EXD3: variants seen among roughly 807,000 people sequenced by gnomAD.
EXD3 encodes exonuclease mut-7 homolog.
Under a neutral mutation model 98.0 loss-of-function variants are expected in EXD3, and 92 were observed. The observed-to-expected ratio is 0.94, with a 90% CI of 0.79 to 1.12. EXD3 has a LOEUF of 1.12. Ranked by LOEUF, EXD3 falls within the 50% of genes most tolerant of loss-of-function variation. EXD3 has a pLI of 0.00. For missense variants in EXD3, 1,222 were observed against 1,191.6 expected (o/e 1.03, Z -0.38); for synonymous variants, 569 against 526.0 (o/e 1.08, Z -1.12).
chr9:137,333,060 G>A lies in EXD3; in HGVS notation c.1999-8917C>T, dbSNP rs577157408. Among the ~76,000 whole-genome samples the A allele has an allele frequency of 1.3e-4, 20 of 152,276 alleles. No homozygotes were observed. The East Asian group carries it at 2.1e-3, about 16-fold the overall frequency. Reference sequence around the variant, plus strand: ...GCACCGTCTAATCAGCTGCCAGTACGGCTAGAATAAAGCACGCAGGAGAAG... The same window carrying A: ...GCACCGTCTAATCAGCTGCCAGTACAGCTAGAATAAAGCACGCAGGAGAAG... On this transcript the variant is annotated intron_variant, in intron 17 of 21. Coordinates refer to ENST00000340951, the MANE Select transcript of EXD3 (RefSeq NM_017820.5).
intron 1 of EXD3, among the ~76,000 whole-genome samples, chr9:137,415,536 G>A (rs1026368392): frequency 1.3e-5 from 2 of 152,178 alleles, no homozygotes; most frequent in Admixed American, 1.3e-4. Flanking sequence ...CACCGTGTTG[G>A]TTTTAGCTCT....
chr9:137,349,567 G>T lies in EXD3; in HGVS notation c.1495-36C>A. ...AGTGCCCTGCAGGGTAACGCGTCTG[G>T]CCCTGGCGGCAGCACAGTCACCGTG... On this transcript the variant is annotated intron_variant, in intron 14 of 21. Transcript: ENST00000340951. This position sits in a 1 kb window ranked among gnomAD's most constrained non-coding sequence, Gnocchi z 7.4. 2 of 1,510,890 alleles carry T rather than the reference G, an allele frequency of 1.3e-6. No individual in the cohort carries two copies. The highest frequency in any genetic ancestry group is 1.8e-6 in the Non-Finnish European group (2 of 1,131,206). 93.6% of individuals were successfully genotyped at this position (1,510,890 alleles called of 1,614,324 possible). A position where few individuals can be genotyped will look rare whatever the true frequency, so the allele number is the denominator to read the frequency against.
rs1165437170 is a variant in EXD3, at chr9:137,407,246, T to A, written c.-47-11842A>T. Among the ~76,000 whole-genome samples the A allele has an allele frequency of 6.6e-6, 1 of 151,492 alleles. No homozygotes were observed. The highest frequency in any genetic ancestry group is 1.5e-5 in the Non-Finnish European group (1 of 68,018). ...GCCTCCCCTACCCGCACGCCCAGGC[T>A]GGGTCTCCGTTTCCCACCAGGCCAG... On this transcript the variant is annotated intron_variant, in intron 1 of 21. Transcript: ENST00000340951. This position sits in a 1 kb window ranked among gnomAD's most constrained non-coding sequence, Gnocchi z 4.4.
chr9:137,348,931 C>T (rs1207288935), intron 16 of EXD3, among the ~76,000 whole-genome samples, 179 bp downstream of exon 16: 1 of 152,002 alleles, frequency 6.6e-6, no homozygotes, highest in African/African-American at 2.4e-5. Context: ...GCAAGCGCAG[C>T]CCCCGTGACA....
rs1837022598 is a variant in EXD3, at chr9:137,393,097, C to T, written c.55+2206G>A. 1.5e-6 allele frequency: 1 copy of T among 682,102 alleles called. No homozygotes were observed. Among genetic ancestry groups the T allele is most frequent in the Non-Finnish European group, 2.7e-6 (1 of 377,224 alleles). 42.3% of individuals were successfully genotyped at this position (682,102 alleles called of 1,614,324 possible). On this transcript the variant is annotated intron_variant, in intron 2 of 21. Transcript: ENST00000340951. This position sits in a 1 kb window ranked among gnomAD's most constrained non-coding sequence, Gnocchi z 4.6. ...CCGAGGCTGTTCTCGGTGGGGGTGC[C>T]GTGTCTGTTCCAGGGAGGGCCATTA...
At chr9:137,312,467 C>T (rs1050749808) in intron 19 of EXD3, among the ~76,000 whole-genome samples, 15 of 152,174 alleles carry the variant, frequency 9.9e-5, no homozygotes, top group Admixed American at 3.9e-4. Flanking sequence ...GGCTGGGCCA[C>T]GAGCCCGTGG....
Position 137,323,868 on chromosome 9 carries a change from C to T in EXD3, c.2053-12G>A, listed in dbSNP as rs199796971. 156 of 1,604,420 alleles carry T rather than the reference C, an allele frequency of 9.7e-5. 1 individual carries two copies. The highest frequency in any genetic ancestry group is 2.1e-4 in the Admixed American group (12 of 58,408). ...ACCTGGGCCCGGAGCTGCAAAGACA[C>T]GGCTCGGCTACTGAGGGGCAGTGCA... On this transcript the variant is annotated splice_polypyrimidine_tract_variant and intron_variant, in intron 18 of 21. Transcript: ENST00000340951.
chr9:137,333,676 T>C (rs914994733), intron 17 of EXD3, among the ~76,000 whole-genome samples: 1 of 152,130 alleles, frequency 6.6e-6, no homozygotes, highest in Non-Finnish European at 1.5e-5. Context: ...CTTCACCATG[T>C]GACATGCAAA....
At chr9:137,417,434 A>G (rs1014796943) in intron 1 of EXD3, among the ~76,000 whole-genome samples, 1 of 152,108 alleles carries the variant, frequency 6.6e-6, no homozygotes, top group African/African-American at 2.4e-5. Context: ...GCCCCTGCTG[A>G]CCGCATCTGC....
rs1333868090 is a variant in EXD3 at position 137,405,311 on chromosome 9, C to A, written c.-47-9907G>T. Among the ~76,000 whole-genome samples the A allele has an allele frequency of 6.6e-6, 1 of 152,234 alleles. No individual in the cohort carries two copies. Among genetic ancestry groups the A allele is most frequent in the Non-Finnish European group, 1.5e-5 (1 of 68,036 alleles). Reference sequence around the variant, plus strand: ...CCAGGGCCAGAGCAGGGGCCAGAGCCCCAACCCCCGCTGCTTCCCCAACTG... The same window carrying A: ...CCAGGGCCAGAGCAGGGGCCAGAGCACCAACCCCCGCTGCTTCCCCAACTG... On this transcript the variant is annotated intron_variant, in intron 1 of 21. Coordinates refer to ENST00000340951, the MANE Select transcript of EXD3 (RefSeq NM_017820.5). This position sits in a 1 kb window ranked among gnomAD's most constrained non-coding sequence, Gnocchi z 4.1.
Position 137,323,870 on chromosome 9 carries a change from G to A in EXD3, c.2053-14C>T. 6.2e-7 allele frequency: 1 copy of A among 1,603,520 alleles called. No individual in the cohort carries two copies. Among genetic ancestry groups the A allele is most frequent in the South Asian group, 1.1e-5 (1 of 90,220 alleles). On this transcript the variant is annotated splice_polypyrimidine_tract_variant and intron_variant, in intron 18 of 21. Transcript: ENST00000340951. Reference sequence around the variant, plus strand: ...CTGGGCCCGGAGCTGCAAAGACACGGCTCGGCTACTGAGGGGCAGTGCAGA... The same window carrying A: ...CTGGGCCCGGAGCTGCAAAGACACGACTCGGCTACTGAGGGGCAGTGCAGA...
intron 17 of EXD3, among the ~76,000 whole-genome samples, chr9:137,327,078 G>C (rs1832447068): frequency 6.6e-6 from 1 of 151,926 alleles, no homozygotes; most frequent in East Asian, 1.9e-4. Context: ...GCAGAAAGTG[G>C]AACAGTGGCC....
Position 137,403,657 on chromosome 9 carries a change from G to A in EXD3, c.-47-8253C>T, listed in dbSNP as rs193076894. ...TTTGCTGTCACCTTAATTGGCCTTG[G>A]GGGAGATGGACCAGCAGGCCCGAGA... On this transcript the variant is annotated intron_variant, in intron 1 of 21. Transcript: ENST00000340951. This position sits in a 1 kb window ranked among gnomAD's most constrained non-coding sequence, Gnocchi z 6.1. Among the ~76,000 whole-genome samples, 191 of 152,222 alleles carry A rather than the reference G, an allele frequency of 1.3e-3. No individual in the cohort carries two copies. Among genetic ancestry groups the A allele is most frequent in the African/African-American group, 4.4e-3 (182 of 41,536 alleles).
intron 1 of EXD3, among the ~76,000 whole-genome samples, chr9:137,406,314 A>G (rs932847040): frequency 6.7e-5 from 10 of 150,038 alleles, no homozygotes; most frequent in Non-Finnish European, 1.5e-4. Flanking sequence ...AAAAGAAAAG[A>G]AAAAGAAAAA....
intron 17 of EXD3, among the ~76,000 whole-genome samples, chr9:137,338,924 C>G (rs949102923): frequency 6.7e-6 from 1 of 149,142 alleles, no homozygotes; most frequent in Non-Finnish European, 1.5e-5. Flanking sequence ...AGTAAGTTGA[C>G]ACATCTCTGC....
At chr9:137,388,643 G>A (rs941158893) in intron 2 of EXD3, among the ~76,000 whole-genome samples, 1 of 152,122 alleles carries the variant, frequency 6.6e-6, no homozygotes, top group African/African-American at 2.4e-5. Flanking sequence ...ACCAGGCAGC[G>A]GATGCTGGCA....
chr9:137,323,388 A>G (rs35816396), intron 19 of EXD3, among the ~76,000 whole-genome samples: 2 of 2,914 alleles, frequency 6.9e-4, no homozygotes, highest in Non-Finnish European at 1.1e-3. Context: ...CCCACGAGGG[A>G]TGCTCTGCCG....
chr9:137,319,448 G>A (rs1275458302), intron 19 of EXD3, among the ~76,000 whole-genome samples: 1 of 152,204 alleles, frequency 6.6e-6, no homozygotes, highest in Admixed American at 6.5e-5. Context: ...GATCAGTGGT[G>A]TTCCCAGCTG....
chr9:137,370,280 G>A (rs574860922), intron 5 of EXD3, among the ~76,000 whole-genome samples: 7 of 152,318 alleles, frequency 4.6e-5, no homozygotes, highest in South Asian at 2.1e-4. Context: ...CTGAGAGGAC[G>A]GTGTACAGCT....
Sources: allele counts gnomAD v4.1 joint callset (sites outside exome capture counted in the v4.1 genomes callset), GRCh38; gene constraint gnomAD v4.1.1; non-coding constraint Gnocchi (gnomAD v3.1); transcripts MANE v1.5; gene names NCBI Gene and HGNC (gene_info 2026-07-23, HGNC 2026-07-21).